CSRNP3: variants seen among roughly 807,000 people sequenced by gnomAD.
CSRNP3 encodes cysteine/serine-rich nuclear protein 3.
In CSRNP3, 12 loss-of-function variants were observed where a neutral mutation model predicts 48.0. The ratio of observed to expected loss-of-function variants is 0.25; its 90% CI spans 0.16 to 0.41. The LOEUF (loss-of-function observed/expected upper bound fraction) is 0.41, where lower values mean the gene tolerates loss of function less well. Ranked by LOEUF, CSRNP3 falls within the 10% of genes least tolerant of loss-of-function variation. The probability of loss-of-function intolerance (pLI) is 1.00; values close to 1 mark genes in which losing one functional copy is unlikely to be tolerated. For synonymous variants in CSRNP3, 263 were observed against 269.7 expected (o/e 0.98, Z 0.24); for missense variants, 580 against 724.4 (o/e 0.80, Z 2.29).
chr2:165,472,818 C>G (rs1313253707), intron 1 of CSRNP3, among the ~76,000 whole-genome samples: 1 of 152,074 alleles, frequency 6.6e-6, no homozygotes, highest in South Asian at 2.1e-4. Context: ...AATAAAGCAC[C>G]ACATGCTTAA....
chr2:165,642,228 A>G (rs1349369815), intron 4 of CSRNP3, among the ~76,000 whole-genome samples: 1 of 152,140 alleles, frequency 6.6e-6, no homozygotes, highest in Non-Finnish European at 1.5e-5. Context: ...GGGGCTGCCA[A>G]AATGATTCCA....
intron 2 of CSRNP3, among the ~76,000 whole-genome samples, chr2:165,505,074 G>A (rs909990476): frequency 1.3e-5 from 2 of 152,026 alleles, no homozygotes; most frequent in African/African-American, 4.8e-5. Context: ...CCTGGAGACA[G>A]TACATCATTA....
chr2:165,527,323 C>T (rs1684745683), intron 3 of CSRNP3, among the ~76,000 whole-genome samples: 2 of 150,142 alleles, frequency 1.3e-5, no homozygotes, highest in South Asian at 4.2e-4. Context: ...TCTCCTGCCT[C>T]AGCCTCCCGA....
At chr2:165,666,175 G>A (rs575556228) in intron 5 of CSRNP3, among the ~76,000 whole-genome samples, 1 of 136,450 alleles carries the variant, frequency 7.3e-6, no homozygotes, top group African/African-American at 2.9e-5. Context: ...AGAGAGAAAG[G>A]AAGGAAGGAA....
intron 1 of CSRNP3, among the ~76,000 whole-genome samples, chr2:165,483,430 G>A (rs1356622539): frequency 6.6e-6 from 1 of 152,070 alleles, no homozygotes; most frequent in Non-Finnish European, 1.5e-5. Context: ...GTTGTTTCTT[G>A]TAACAATAGC....
intron 5 of CSRNP3, among the ~76,000 whole-genome samples, chr2:165,669,695 A>G (rs1365507377): frequency 1.3e-5 from 2 of 152,182 alleles, no homozygotes; most frequent in Non-Finnish European, 2.9e-5. Context: ...TGTCAAAAAA[A>G]AGTTATAGTG....
intron 4 of CSRNP3, among the ~76,000 whole-genome samples, chr2:165,654,475 G>A (rs35141223): frequency 0.25 from 38,469 of 152,056 alleles, 5,632 homozygotes; most frequent in Non-Finnish European, 0.33. Flanking sequence ...CAATGGAGAA[G>A]AGGAAAGTTG....
At chr2:165,547,714 A>G (rs1192778763) in intron 3 of CSRNP3, among the ~76,000 whole-genome samples, 3 of 152,102 alleles carry the variant, frequency 2.0e-5, no homozygotes, top group Non-Finnish European at 4.4e-5. Flanking sequence ...AGTTATCTTC[A>G]AACTGGAAAT....
chr2:165,648,641 TTTG>T (rs1458651877), intron 4 of CSRNP3, among the ~76,000 whole-genome samples: 1 of 152,164 alleles, frequency 6.6e-6, no homozygotes, highest in East Asian at 1.9e-4. Context: ...AGTGCCGTTT[TTTG>T]TTGTTGTTTT....
intron 2 of CSRNP3, among the ~76,000 whole-genome samples, chr2:165,506,038 A>T (rs1305604554): frequency 1.3e-5 from 2 of 152,118 alleles, no homozygotes; most frequent in Admixed American, 1.3e-4. Flanking sequence ...TGGGGGTTCA[A>T]ATGATACTCT....
chr2:165,501,040 G>A (rs1684352838), intron 2 of CSRNP3, among the ~76,000 whole-genome samples: 2 of 152,064 alleles, frequency 1.3e-5, no homozygotes, highest in Admixed American at 6.6e-5. Context: ...TTGGCTTGGA[G>A]AGATTAGTAC....
chr2:165,484,553 T>C (rs1356720382), intron 1 of CSRNP3, among the ~76,000 whole-genome samples: 1 of 152,230 alleles, frequency 6.6e-6, no homozygotes, highest in Non-Finnish European at 1.5e-5. Flanking sequence ...GACAGTTTCT[T>C]CCAGCCATGT....
chr2:165,562,069 G>A (rs1203742190), intron 3 of CSRNP3, among the ~76,000 whole-genome samples: 1 of 152,092 alleles, frequency 6.6e-6, no homozygotes, highest in Non-Finnish European at 1.5e-5. Context: ...TGTATTTGCT[G>A]ATGTGTTGAT....
chr2:165,602,933 C>T (rs562768494), intron 4 of CSRNP3, among the ~76,000 whole-genome samples: 3 of 151,808 alleles, frequency 2.0e-5, no homozygotes, highest in African/African-American at 2.4e-5. Context: ...GTCTCGCTGT[C>T]GCCCAGGCTG....
chr2:165,506,875 T>G (rs992818086), intron 2 of CSRNP3, among the ~76,000 whole-genome samples: 61 of 152,174 alleles, frequency 4.0e-4, no homozygotes, highest in African/African-American at 1.3e-3. Context: ...CTCATTCATT[T>G]CTCCCTTGTA....
chr2:165,479,847 T>A (rs1235193140), intron 1 of CSRNP3, among the ~76,000 whole-genome samples: 1 of 149,250 alleles, frequency 6.7e-6, no homozygotes, highest in Non-Finnish European at 1.5e-5. Flanking sequence ...GTCATGCCAC[T>A]GCACTCCAGC....
At chr2:165,511,339 C>T (rs187135643) in intron 2 of CSRNP3, among the ~76,000 whole-genome samples, 50 of 151,816 alleles carry the variant, frequency 3.3e-4, no homozygotes, top group Middle Eastern at 3.4e-3. Context: ...AAGAAAATAA[C>T]GATTTTAAGA....
chr2:165,629,155 G>C (rs1318562288), intron 4 of CSRNP3, among the ~76,000 whole-genome samples: 1 of 152,196 alleles, frequency 6.6e-6, no homozygotes, highest in Admixed American at 6.5e-5. Context: ...CGGCAATTCT[G>C]ATACAAAGTT....
intron 5 of CSRNP3, among the ~76,000 whole-genome samples, chr2:165,670,629 C>T (rs1490046198): frequency 6.6e-6 from 1 of 152,096 alleles, no homozygotes; most frequent in African/African-American, 2.4e-5. Context: ...TAGTATTTGC[C>T]TCATGAGATG....
Sources: gnomAD v4.1 joint callset for allele counts (sites outside exome capture counted in the v4.1 genomes callset) on GRCh38, gnomAD v4.1.1 for gene constraint, MANE v1.5 for transcripts, NCBI Gene and HGNC (gene_info 2026-07-23, HGNC 2026-07-21) for gene names.